The following KIAA0930 variants were observed in gnomAD, a reference collection of about 807,000 sequenced individuals.
The protein encoded by KIAA0930 is uncharacterized protein KIAA0930.
Under a neutral mutation model 43.9 loss-of-function variants are expected in KIAA0930, and 24 were observed. The observed-to-expected ratio is 0.55, with a 90% confidence interval of 0.40 to 0.77. KIAA0930 has a LOEUF of 0.77. KIAA0930 is among the 30% of genes least tolerant of loss of function. KIAA0930 has a pLI of 0.00. For synonymous variants in KIAA0930, 259 were observed against 216.4 expected (o/e 1.20, Z -1.73); for missense variants, 461 against 574.2 (o/e 0.80, Z 2.02).
At position 45,203,186 on chromosome 22, in the gene KIAA0930, T is replaced by TG; in HGVS notation, c.658-3dup. 6.3e-7 allele frequency: 1 copy of TG among 1,595,144 alleles called. No homozygotes were observed. The highest frequency in any genetic ancestry group is 1.1e-5 in the South Asian group (1 of 88,374). ...TGCCATGCGGGCGGCCACGCTCACC[T>TG]GGGGGCCGGCGCGGGGCAGCCTGAG... On this transcript the variant is annotated splice_region_variant and splice_polypyrimidine_tract_variant and intron_variant, in intron 6 of 9. Coordinates refer to ENST00000336156, the MANE Select transcript of KIAA0930 (RefSeq NM_001009880.2).
intron 1 of KIAA0930, among the ~76,000 whole-genome samples, chr22:45,222,855 G>C (rs1253075482): frequency 6.6e-6 from 1 of 152,248 alleles, no homozygotes; most frequent in African/African-American, 2.4e-5. Context: ...GACACAATTA[G>C]AGAAATGTAA....
chr22:45,238,413 T>C (rs1368283538), intron 1 of KIAA0930, among the ~76,000 whole-genome samples: 15 of 152,188 alleles, frequency 9.9e-5, no homozygotes, highest in Admixed American at 9.8e-4. Flanking sequence ...CCTCACCTGC[T>C]AACTGGGGAG....
At chr22:45,230,577 ATTC>A (rs1267567077) in intron 1 of KIAA0930, among the ~76,000 whole-genome samples, 2 of 137,982 alleles carry the variant, frequency 1.4e-5, no homozygotes, top group Admixed American at 7.4e-5. Flanking sequence ...CCCAGATCAC[ATTC>A]TTTTTTTTTT....
In KIAA0930 at chr22:45,203,072, G is replaced by A. The variant is rs866692355; in HGVS notation, c.770C>T (p.Ala257Val). ...GPQGKGHAEM[A>V]VSRVSTGDTS... is the part of the protein sequence containing the mutation. ...GTCACCTGTAGACACTCGGCTGACCGCCATCTCGGCGTGGCCCTTGCCCTG... is the reference window on the plus strand; with the variant it reads ...GTCACCTGTAGACACTCGGCTGACCACCATCTCGGCGTGGCCCTTGCCCTG... Residue 257 changes from alanine (A) to valine (V), a missense_variant, in exon 7 of 10, where the codon GCG becomes GTG. Transcript: ENST00000336156. The A allele has an allele frequency of 3.7e-6, 6 of 1,613,754 alleles. No individual in the cohort carries two copies. Among genetic ancestry groups the A allele is most frequent in the East Asian group, 2.2e-5 (1 of 44,886 alleles).
chr22:45,204,348 G>A (rs1032678274), intron 5 of KIAA0930, among the ~76,000 whole-genome samples: 2 of 152,184 alleles, frequency 1.3e-5, no homozygotes, highest in Admixed American at 1.3e-4. Context: ...GTGGCCAAAG[G>A]CTCAGTGTGG....
intron 7 of KIAA0930, chr22:45,202,584 C>T (rs1256930020): frequency 1.2e-5 from 2 of 169,842 alleles, no homozygotes; most frequent in Non-Finnish European, 2.5e-5. Context: ...GGCCACGTGC[C>T]CACGCTCACC....
In KIAA0930 at chr22:45,198,648, G is replaced by A. The variant is rs140881516; in HGVS notation, c.1016-700C>T. Among the ~76,000 whole-genome samples the A allele has an allele frequency of 2.0e-5, 3 of 152,220 alleles. No individual in the cohort carries two copies. In the East Asian group the frequency reaches 5.8e-4, roughly 29 times the overall value. ...TGGGAGTTGTCAGCGAATCCTTCAC[G>A]TCGTTTTTTTTTGTTTGTTTTGAGA... On this transcript the variant is annotated intron_variant, in intron 8 of 9. Coordinates refer to ENST00000336156, the MANE Select transcript of KIAA0930 (RefSeq NM_001009880.2).
At chr22:45,217,178 T>A (rs972126816) in intron 1 of KIAA0930, among the ~76,000 whole-genome samples, 2 of 151,868 alleles carry the variant, frequency 1.3e-5, no homozygotes, top group African/African-American at 4.8e-5. Context: ...CTAGCCAACA[T>A]CGCAAAACCC....
chr22:45,222,276 C>A (rs1404720906), intron 1 of KIAA0930, among the ~76,000 whole-genome samples: 1 of 151,952 alleles, frequency 6.6e-6, no homozygotes, highest in Non-Finnish European at 1.5e-5. Flanking sequence ...AACATAAAAG[C>A]TATTAAGGAG....
chr22:45,204,638 C>T (rs918514042), intron 5 of KIAA0930, among the ~76,000 whole-genome samples: 5 of 152,056 alleles, frequency 3.3e-5, no homozygotes, highest in African/African-American at 7.2e-5. Flanking sequence ...ACAAGGACCC[C>T]GACCAGGGCC....
chr22:45,235,184 G>A (rs998214974), intron 1 of KIAA0930: 4 of 152,322 alleles, frequency 2.6e-5, no homozygotes, highest in African/African-American at 9.7e-5. Context: ...CTCTGCAGAA[G>A]GCTGGAAGCT....
At chr22:45,201,852 C>T (rs1412907445) in intron 7 of KIAA0930, among the ~76,000 whole-genome samples, 2 of 152,228 alleles carry the variant, frequency 1.3e-5, no homozygotes, top group Admixed American at 6.5e-5. Flanking sequence ...CAAACGCACA[C>T]TCCCTCATCT....
chr22:45,214,525 G>A (rs767428840), intron 1 of KIAA0930, among the ~76,000 whole-genome samples: 3 of 152,236 alleles, frequency 2.0e-5, no homozygotes, highest in Non-Finnish European at 2.9e-5. Flanking sequence ...AGGCGGAATC[G>A]TAGTGACTTA....
chr22:45,199,678 C>CCCCCAGAGGCAGCCATTT (rs1179769339), intron 8 of KIAA0930, among the ~76,000 whole-genome samples, 195 bp downstream of exon 8: 5 of 152,216 alleles, frequency 3.3e-5, no homozygotes, highest in African/African-American at 1.2e-4. Context: ...CAGGACGGGA[C>CCCCCAGAGGCAGCCATTT]CCCCAGAGGC....
intron 1 of KIAA0930, chr22:45,226,290 G>C (rs528676454): frequency 1.1e-5 from 5 of 471,030 alleles, no homozygotes; most frequent in Non-Finnish European, 2.2e-5. Flanking sequence ...TAAGGAAACC[G>C]AGACCTTCAA....
At chr22:45,205,377 C>G in intron 4 of KIAA0930, 59 bp from the exon 5 acceptor site, 1 of 1,449,570 alleles carries the variant, frequency 6.9e-7, no homozygotes, top group Non-Finnish European at 9.7e-7. Flanking sequence ...AGGCCCAGAG[C>G]CAGTCCAAGC....
chr22:45,214,631 G>A (rs371189357), intron 1 of KIAA0930, among the ~76,000 whole-genome samples: 3 of 152,308 alleles, frequency 2.0e-5, no homozygotes, highest in Admixed American at 6.5e-5. Flanking sequence ...AAACTTAGCC[G>A]GGTGAGGTAG....
At chr22:45,240,096 C>G (rs757867404) in intron 1 of KIAA0930, among the ~76,000 whole-genome samples, 1 of 151,850 alleles carries the variant, frequency 6.6e-6, no homozygotes, top group Non-Finnish European at 1.5e-5. Flanking sequence ...GGGGCCATTG[C>G]CCAACAGGTC....
At chr22:45,201,963 G>A (rs1054065034) in intron 7 of KIAA0930, among the ~76,000 whole-genome samples, 44 of 151,436 alleles carry the variant, frequency 2.9e-4, no homozygotes, top group African/African-American at 1.1e-3. Flanking sequence ...ATCCTCCTGA[G>A]GGCCAAGCCC....
Sources: allele counts gnomAD v4.1 joint callset (sites outside exome capture counted in the v4.1 genomes callset), GRCh38; gene constraint gnomAD v4.1.1; transcripts MANE v1.5; gene names NCBI Gene and HGNC (gene_info 2026-07-23, HGNC 2026-07-21).